Variants in UGT1A4 observed in about 807,000 individuals in gnomAD.
UGT1A4 encodes the protein UDP-glucuronosyltransferase 1A4.
In UGT1A4, 32 loss-of-function variants were observed where a neutral mutation model predicts 41.1. The observed-to-expected ratio is 0.78, with a 90% CI of 0.59 to 1.05. UGT1A4 has a LOEUF of 1.05. Ranked by LOEUF, UGT1A4 falls within the 50% of genes least tolerant of loss-of-function variation. The pLI is 0.00. For missense variants in UGT1A4, 748 were observed against 677.4 expected (o/e 1.10, Z -1.16); for synonymous variants, 283 against 265.1 (o/e 1.07, Z -0.66).
At chr2:233,760,151 C>T (rs1697328839) in intron 1 of UGT1A4, 1 of 1,476,036 alleles carries the variant, frequency 6.8e-7, no homozygotes, top group South Asian at 1.3e-5. Flanking sequence ...AAGTGAACTC[C>T]CTGCTACCTT....
chr2:233,731,298 T>A (rs909820502), intron 1 of UGT1A4, among the ~76,000 whole-genome samples: 4 of 149,198 alleles, frequency 2.7e-5, no homozygotes, highest in Non-Finnish European at 4.5e-5. Flanking sequence ...TTTTTTTTTT[T>A]ATTATACTTT....
At chr2:233,728,395 C>G (rs989594953) in intron 1 of UGT1A4, among the ~76,000 whole-genome samples, 1 of 152,120 alleles carries the variant, frequency 6.6e-6, no homozygotes, top group Non-Finnish European at 1.5e-5. Flanking sequence ...GTTGTCTTGC[C>G]CATGTGTGCT....
rs45516494 is a variant in UGT1A4 at position 233,719,303 on chromosome 2, G to A, written c.483G>A (p.Leu161=). 3.5e-4 allele frequency: 567 copies of A among 1,613,968 alleles called. 2 individuals carry two copies. In the African/African-American group the frequency reaches 6.9e-3, roughly 20 times the overall value. The part of the protein sequence containing the change: ...TDPVNLCGAV[L]AKYLSIPAVF... ...CCGTTAACCTCTGTGGGGCGGTGCTGGCTAAGTACCTGTCGATTCCTGCTG... is the reference window on the plus strand; with the variant it reads ...CCGTTAACCTCTGTGGGGCGGTGCTAGCTAAGTACCTGTCGATTCCTGCTG... Residue 161 remains leucine, a synonymous_variant, in exon 1 of 5, where the codon CTG becomes CTA. Transcript: ENST00000373409.
intron 1 of UGT1A4, among the ~76,000 whole-genome samples, chr2:233,756,600 G>A (rs1331506160): frequency 6.6e-6 from 1 of 152,122 alleles, no homozygotes; most frequent in Non-Finnish European, 1.5e-5. Flanking sequence ...TTACTGTATC[G>A]AAACCATTAA....
intron 1 of UGT1A4, among the ~76,000 whole-genome samples, chr2:233,756,693 T>C (rs1305461555): frequency 6.6e-6 from 1 of 152,168 alleles, no homozygotes; most frequent in East Asian, 1.9e-4. Context: ...ATAATGACGA[T>C]GAATTTTGGG....
chr2:233,729,741 G>A (rs746811742), intron 1 of UGT1A4: 25 of 1,613,946 alleles, frequency 1.5e-5, no homozygotes, highest in South Asian at 3.3e-5. Context: ...CAGACCACAT[G>A]ACATTCATGC....
intron 1 of UGT1A4, among the ~76,000 whole-genome samples, chr2:233,735,766 T>C (rs2078690573): frequency 1.3e-5 from 2 of 152,218 alleles, no homozygotes; most frequent in African/African-American, 4.8e-5. Flanking sequence ...CCTTCACTTA[T>C]GAAGCTTACT....
At chr2:233,720,640 G>A (rs1212393027) in intron 1 of UGT1A4, among the ~76,000 whole-genome samples, 3 of 151,716 alleles carry the variant, frequency 2.0e-5, no homozygotes, top group Non-Finnish European at 4.4e-5. Context: ...TAGTACTCTG[G>A]GATGTGAAAA....
intron 1 of UGT1A4, among the ~76,000 whole-genome samples, chr2:233,737,492 C>T (rs1256761021): frequency 6.6e-6 from 1 of 152,202 alleles, no homozygotes; most frequent in Non-Finnish European, 1.5e-5. Flanking sequence ...AAAGGGAAAT[C>T]CCTCACCCTC....
intron 1 of UGT1A4, chr2:233,743,752 C>T (rs1459474773): frequency 7.3e-7 from 1 of 1,367,268 alleles, no homozygotes. Flanking sequence ...CGTCCGACAA[C>T]ACCTCGTAGG....
chr2:233,732,771 T>G (rs74968543), intron 1 of UGT1A4, among the ~76,000 whole-genome samples: 78 of 146,658 alleles, frequency 5.3e-4, no homozygotes, highest in Admixed American at 6.8e-5. Flanking sequence ...TTTTTTTTTT[T>G]GCTTAGGATT....
chr2:233,756,514 G>A (rs1394281486), intron 1 of UGT1A4, among the ~76,000 whole-genome samples: 1 of 152,030 alleles, frequency 6.6e-6, no homozygotes, highest in African/African-American at 2.4e-5. Context: ...AGGGTCAAAT[G>A]TGCATGTTAT....
chr2:233,725,862 C>A (rs1291459047), intron 1 of UGT1A4, among the ~76,000 whole-genome samples: 1 of 152,150 alleles, frequency 6.6e-6, no homozygotes, highest in African/African-American at 2.4e-5. Context: ...TTCCCCATCT[C>A]TTTTAATTTG....
chr2:233,746,806 G>C (rs1247555019), intron 1 of UGT1A4, among the ~76,000 whole-genome samples: 1 of 151,794 alleles, frequency 6.6e-6, no homozygotes, highest in African/African-American at 2.4e-5. Flanking sequence ...GCGTGAATGT[G>C]GATTGCCTAC....
At chr2:233,736,503 C>T (rs924355972) in intron 1 of UGT1A4, among the ~76,000 whole-genome samples, 2 of 152,196 alleles carry the variant, frequency 1.3e-5, no homozygotes, top group African/African-American at 2.4e-5. Context: ...CTTCTGAAGC[C>T]TACTTCTGTC....
Position 233,748,080 on chromosome 2 carries a change from G to A in UGT1A4, c.868-18954G>A, listed in dbSNP as rs1693856955. The stretch of plus-strand genomic sequence containing the variant: ...TGCCAACAGGAAGCCACTATCTCAG[G>A]TCGGTGTTCGTGCCTTCATCCAATC... On this transcript the variant is annotated intron_variant, in intron 1 of 4. Transcript: ENST00000373409. The A allele has an allele frequency of 1.2e-5, 19 of 1,613,008 alleles. 1 individual carries two copies. In the Admixed American group the frequency reaches 3.2e-4, roughly 27 times the overall value.
intron 1 of UGT1A4, chr2:233,747,161 T>G (rs1379278040): frequency 2.1e-5 from 34 of 1,586,670 alleles, no homozygotes; most frequent in South Asian, 2.3e-5. Flanking sequence ...AGAAAACAAA[T>G]GTAGGAGGCA....
intron 1 of UGT1A4, among the ~76,000 whole-genome samples, chr2:233,728,589 C>T (rs2077730663): frequency 1.3e-5 from 2 of 152,316 alleles, no homozygotes; most frequent in South Asian, 2.1e-4. Context: ...ACGACCAAAA[C>T]CACATAGCCA....
chr2:233,760,908 G>A lies in UGT1A4; in HGVS notation c.868-6126G>A, dbSNP rs1697607352. On this transcript the variant is annotated intron_variant, in intron 1 of 4. Coordinates refer to ENST00000373409, the MANE Select transcript of UGT1A4 (RefSeq NM_007120.3). ...CTCATTCAGATCACATGACCTTCCT[G>A]CAGCGGGTGAAGAACATGCTCATTG... 7 of 1,614,034 alleles carry A rather than the reference G, an allele frequency of 4.3e-6. No individual in the cohort carries two copies. The Middle Eastern group carries it at 6.6e-4, about 152-fold the overall frequency.
Sources: gnomAD v4.1 joint callset for allele counts (sites outside exome capture counted in the v4.1 genomes callset) on GRCh38, gnomAD v4.1.1 for gene constraint, MANE v1.5 for transcripts, NCBI Gene and HGNC (gene_info 2026-07-23, HGNC 2026-07-21) for gene names.